Variants in RARB observed in about 807,000 individuals in gnomAD.
RARB encodes HBV-activated protein.
Under a neutral mutation model 51.9 loss-of-function variants are expected in RARB, and 17 were observed. The ratio of observed to expected loss-of-function variants is 0.33; its 90% CI spans 0.22 to 0.49. The LOEUF is 0.49. RARB is among the 20% of genes least tolerant of loss of function. The pLI is 0.99. For synonymous variants in RARB, 215 were observed against 195.4 expected, an observed-to-expected ratio of 1.10 and a Z score of -0.84; for missense variants, 369 against 550.8, an observed-to-expected ratio of 0.67 and a Z score of 3.30.
intron 3 of RARB, among the ~76,000 whole-genome samples, chr3:25,554,490 G>A (rs1324272090): frequency 1.3e-5 from 2 of 151,978 alleles, no homozygotes; most frequent in Admixed American, 1.3e-4. Context: ...CGCTACAAGG[G>A]CAGAGTTGAG....
chr3:25,410,703 T>C (rs1379096379), intron 5 of RARB, among the ~76,000 whole-genome samples: 1 of 152,178 alleles, frequency 6.6e-6, no homozygotes, highest in Non-Finnish European at 1.5e-5. Flanking sequence ...AAGAACTAAT[T>C]TTTGGTATCT....
intron 5 of RARB, among the ~76,000 whole-genome samples, chr3:25,378,245 T>A (rs1372144726): frequency 6.6e-6 from 1 of 152,196 alleles, no homozygotes; most frequent in East Asian, 1.9e-4. Flanking sequence ...ATATAGGCAC[T>A]TTAGGAAACA....
Position 25,559,814 on chromosome 3 carries a change from A to G in RARB, c.449-9944A>G, listed in dbSNP as rs142338404. Among the ~76,000 whole-genome samples the G allele has an allele frequency of 1.8e-4, 28 of 152,318 alleles. No homozygotes were observed. In the South Asian group the frequency reaches 2.7e-3, roughly 15 times the overall value. On this transcript the variant is annotated intron_variant, in intron 3 of 7. Coordinates refer to ENST00000330688, the MANE Select transcript of RARB (RefSeq NM_000965.5). Reference sequence around the variant, plus strand: ...GACAAATGGATGGATAGGTGGATCAATGGATGGAAAATGGGACAGATGAAT... The same window carrying G: ...GACAAATGGATGGATAGGTGGATCAGTGGATGGAAAATGGGACAGATGAAT...
intron 3 of RARB, among the ~76,000 whole-genome samples, chr3:25,521,618 T>G (rs977732023): frequency 1.3e-5 from 2 of 152,166 alleles, no homozygotes; most frequent in African/African-American, 2.4e-5. Flanking sequence ...TAGTCTAATG[T>G]AGAAGCTGTC....
intron 1 of RARB, among the ~76,000 whole-genome samples, chr3:24,839,726 G>T (rs1295830561): frequency 8.3e-6 from 1 of 120,664 alleles, no homozygotes; most frequent in African/African-American, 2.9e-5. Flanking sequence ...AAAAGGGGGG[G>T]GGGGTGGGGG....
At chr3:24,909,716 G>A (rs2125378256) in intron 2 of RARB, among the ~76,000 whole-genome samples, 1 of 152,122 alleles carries the variant, frequency 6.6e-6, no homozygotes, top group African/African-American at 2.4e-5. Flanking sequence ...TAACCGTGAT[G>A]GATTTTTAAG....
chr3:25,489,716 C>G (rs928288155), intron 2 of RARB, among the ~76,000 whole-genome samples: 2 of 152,138 alleles, frequency 1.3e-5, no homozygotes, highest in African/African-American at 4.8e-5. Context: ...AGTCCTGAAC[C>G]AAAGAACAAG....
chr3:25,214,290 C>T (rs116471173), intron 5 of RARB, among the ~76,000 whole-genome samples: 133 of 152,142 alleles, frequency 8.7e-4, no homozygotes, highest in African/African-American at 2.9e-3. Flanking sequence ...TCTCTTTGAG[C>T]GATTAACTTG....
At chr3:24,842,080 T>A (rs1419401139) in intron 1 of RARB, among the ~76,000 whole-genome samples, 1 of 152,138 alleles carries the variant, frequency 6.6e-6, no homozygotes, top group Non-Finnish European at 1.5e-5. Flanking sequence ...CGATTTTCTA[T>A]TGAGCAACAT....
chr3:25,073,154 C>T (rs1046726267), intron 3 of RARB, among the ~76,000 whole-genome samples: 3 of 152,206 alleles, frequency 2.0e-5, no homozygotes, highest in East Asian at 1.9e-4. Flanking sequence ...GTGATGTGTG[C>T]GTCTACAATA....
intron 2 of RARB, among the ~76,000 whole-genome samples, chr3:24,975,421 C>T (rs1696489318): frequency 6.6e-6 from 1 of 151,908 alleles, no homozygotes; most frequent in South Asian, 2.1e-4. Flanking sequence ...AGGTATAATC[C>T]CTGCCTTCAA....
At chr3:25,577,903 G>A (rs144783618) in intron 4 of RARB, among the ~76,000 whole-genome samples, 98 of 152,330 alleles carry the variant, frequency 6.4e-4, no homozygotes, top group African/African-American at 2.2e-3. Flanking sequence ...CTGGGGAGGC[G>A]CTGCAGCTCC....
chr3:25,201,996 T>A (rs1302836225), intron 5 of RARB, among the ~76,000 whole-genome samples: 2 of 152,200 alleles, frequency 1.3e-5, no homozygotes, highest in African/African-American at 4.8e-5. Flanking sequence ...ATTGGAATAG[T>A]TTCAGAAGGA....
At chr3:25,302,028 A>T (rs1299790523) in intron 5 of RARB, among the ~76,000 whole-genome samples, 1 of 152,220 alleles carries the variant, frequency 6.6e-6, no homozygotes, top group Non-Finnish European at 1.5e-5. Context: ...CACTAAGTTC[A>T]CGTTAATGCC....
chr3:25,582,088 C>G, intron 5 of RARB, among the ~76,000 whole-genome samples: 1 of 152,130 alleles, frequency 6.6e-6, no homozygotes, highest in Middle Eastern at 3.4e-3. Context: ...TAAACAGGAG[C>G]CCTTAGGGAT....
intron 5 of RARB, among the ~76,000 whole-genome samples, chr3:25,334,600 G>A (rs1705007521): frequency 6.6e-6 from 1 of 152,128 alleles, no homozygotes; most frequent in South Asian, 2.1e-4. Flanking sequence ...ATTGGATGCA[G>A]CACACCAACG....
chr3:25,557,919 C>G (rs182587117), intron 3 of RARB, among the ~76,000 whole-genome samples: 6 of 152,282 alleles, frequency 3.9e-5, no homozygotes, highest in Admixed American at 3.3e-4. Flanking sequence ...AACTGGCTCT[C>G]TTTTCTGCCT....
chr3:25,502,007 T>C (rs1156989820), intron 3 of RARB, among the ~76,000 whole-genome samples: 2 of 152,238 alleles, frequency 1.3e-5, no homozygotes, highest in African/African-American at 4.8e-5. Context: ...CTATTTGATG[T>C]GTACAAATGT....
intron 2 of RARB, among the ~76,000 whole-genome samples, chr3:24,884,998 G>A (rs963949786): frequency 4.6e-5 from 7 of 152,124 alleles, no homozygotes; most frequent in Non-Finnish European, 1.0e-4. Context: ...GTGGCAGAAC[G>A]TAATGACTCC....
Sources: gnomAD v4.1 joint callset for allele counts (sites outside exome capture counted in the v4.1 genomes callset) on GRCh38, gnomAD v4.1.1 for gene constraint, MANE v1.5 for transcripts, NCBI Gene and HGNC (gene_info 2026-07-23, HGNC 2026-07-21) for gene names.